The following RIMS1 variants were observed in gnomAD, a reference collection of about 807,000 sequenced individuals.
RIMS1 encodes the protein regulating synaptic membrane exocytosis protein 1.
Under a neutral mutation model 214.1 loss-of-function variants are expected in RIMS1, and 83 were observed. The ratio of observed to expected loss-of-function variants is 0.39; its 90% CI spans 0.32 to 0.47. The LOEUF is 0.47. Ranked by LOEUF, RIMS1 falls within the 20% of genes least tolerant of loss-of-function variation. RIMS1 has a pLI of 0.99. For synonymous variants in RIMS1, 793 were observed against 786.8 expected, an observed-to-expected ratio of 1.01 and a Z score of -0.13; for missense variants, 2,050 against 2,161.8, an observed-to-expected ratio of 0.95 and a Z score of 1.03.
intron 4 of RIMS1, among the ~76,000 whole-genome samples, chr6:72,164,178 G>A (rs370162672): frequency 1.3e-5 from 2 of 152,152 alleles, no homozygotes; most frequent in African/African-American, 2.4e-5. Flanking sequence ...GTGGGCATAG[G>A]ACCCTCCGAG....
At chr6:72,223,677 G>A (rs1393887992) in intron 6 of RIMS1, among the ~76,000 whole-genome samples, 1 of 152,176 alleles carries the variant, frequency 6.6e-6, no homozygotes, top group South Asian at 2.1e-4. Context: ...GCCAGGTGCG[G>A]TGGCTCACAC....
In RIMS1 at chr6:72,400,669, G is replaced by A. The variant is rs1323296779; in HGVS notation, c.5034G>A (p.Gln1678=). ...CTCCCCTCACCCGGCGGGCTTCCCA[G>A]TCATCTCTGGAAAGTTCAACTGGGC... is the stretch of plus-strand genomic sequence containing the variant. The part of the protein sequence containing the change: ...TLTPLTRRAS[Q]SSLESSTGPP... Residue 1678 remains glutamine (Q), a synonymous_variant, in exon 34 of 34, where the codon CAG becomes CAA. Transcript: ENST00000521978. 1.2e-6 allele frequency: 2 copies of A among 1,613,700 alleles called. No individual in the cohort carries two copies. Among genetic ancestry groups the A allele is most frequent in the Admixed American group, 3.3e-5 (2 of 59,994 alleles).
intron 19 of RIMS1, chr6:72,261,827 G>T (rs2078157896): frequency 1.0e-6 from 1 of 985,068 alleles, no homozygotes; most frequent in East Asian, 1.1e-4. Context: ...ATGTTTGCTT[G>T]GAGTGCCACA....
intron 28 of RIMS1, among the ~76,000 whole-genome samples, chr6:72,318,322 T>A (rs1437935245): frequency 3.3e-5 from 5 of 152,164 alleles, no homozygotes; most frequent in African/African-American, 4.8e-5. Flanking sequence ...TTTCTTTCAT[T>A]TCCCCCCTCC....
chr6:72,380,710 A>T (rs2815745), intron 29 of RIMS1, among the ~76,000 whole-genome samples: 65,148 of 151,452 alleles, frequency 0.43, 14,390 homozygotes, highest in Middle Eastern at 0.51. Flanking sequence ...ACTTTTTTTT[A>T]AAATTGAGAT....
intron 6 of RIMS1, among the ~76,000 whole-genome samples, chr6:72,208,934 A>C (rs928133733): frequency 2.6e-5 from 4 of 152,140 alleles, no homozygotes; most frequent in African/African-American, 4.8e-5. Flanking sequence ...CAATTACTCC[A>C]TATGGTTGGG....
intron 28 of RIMS1, among the ~76,000 whole-genome samples, chr6:72,319,019 T>G (rs1593282338): frequency 6.6e-6 from 1 of 151,598 alleles, no homozygotes; most frequent in East Asian, 1.9e-4. Context: ...TGTTACCATT[T>G]TTTAAAATTT....
At position 72,155,602 on chromosome 6, in the gene RIMS1, G is replaced by T. The variant is rs1013464652; in HGVS notation, c.472-23973G>T. Among the ~76,000 whole-genome samples the T allele has an allele frequency of 2.8e-5, 4 of 141,376 alleles. 1 individual carries two copies. The East Asian group carries it at 8.0e-4, about 28-fold the overall frequency. 92.7% of individuals were successfully genotyped at this position (141,376 alleles called of 152,430 possible). A position where few individuals can be genotyped will look rare whatever the true frequency, so the allele number is the denominator to read the frequency against. On this transcript the variant is annotated intron_variant, in intron 4 of 33. Transcript: ENST00000521978. Reference sequence around the variant, plus strand: ...GCTGGGGAAGCCCCACAATCATGGTGGAAGGCAAGGAGCAGCAAATCATTT... The same window carrying T: ...GCTGGGGAAGCCCCACAATCATGGTTGAAGGCAAGGAGCAGCAAATCATTT...
intron 4 of RIMS1, among the ~76,000 whole-genome samples, chr6:72,164,056 G>C (rs1037974694): frequency 2.0e-5 from 3 of 152,288 alleles, no homozygotes; most frequent in Admixed American, 2.0e-4. Context: ...GAGCTTCCCG[G>C]CCACTTTGTT....
At chr6:71,983,260 T>G (rs1470853588) in intron 2 of RIMS1, among the ~76,000 whole-genome samples, 1 of 152,118 alleles carries the variant, frequency 6.6e-6, no homozygotes, top group Non-Finnish European at 1.5e-5. Flanking sequence ...TTTTCCTAAT[T>G]GTTGTAAAAA....
At chr6:71,961,273 T>C (rs2151253470) in intron 1 of RIMS1, among the ~76,000 whole-genome samples, 1 of 152,302 alleles carries the variant, frequency 6.6e-6, no homozygotes, top group Middle Eastern at 3.4e-3. Flanking sequence ...TAATCCCTTA[T>C]GTGTTTATTT....
intron 5 of RIMS1, among the ~76,000 whole-genome samples, chr6:72,180,311 T>C (rs2048239963): frequency 6.6e-6 from 1 of 152,202 alleles, no homozygotes; most frequent in Non-Finnish European, 1.5e-5. Context: ...AAGCCTTCTT[T>C]AAGGGTATTT....
Position 72,182,607 on chromosome 6 carries a change from C to G in RIMS1, c.1136C>G (p.Ala379Gly). The change falls in exon 6 of 34, where the codon GCC becomes GGC. Residue 379 changes from alanine (A) to glycine (G), a missense_variant. By Grantham distance (60) the Ala-to-Gly change is moderately conservative. This residue lies in a region of RIMS1 where 882 missense variants were observed against 828.9 expected (regional missense o/e 1.06). Coordinates refer to ENST00000521978, the MANE Select transcript of RIMS1 (RefSeq NM_014989.7). ...GAGGAGCAGCAGATGCGCATGCACGCCCGGGTGTCCCGCGCCAGGCACGAG... is the reference window on the plus strand; with the variant it reads ...GAGGAGCAGCAGATGCGCATGCACGGCCGGGTGTCCCGCGCCAGGCACGAG... ...PPEEQQMRMH[A>G]RVSRARHERR... is the part of the protein sequence containing the mutation. The G allele has an allele frequency of 1.3e-6, 2 of 1,547,646 alleles. No individual in the cohort carries two copies. The highest frequency in any genetic ancestry group is 1.7e-6 in the Non-Finnish European group (2 of 1,146,438).
At chr6:72,170,393 G>T (rs1440236630) in intron 4 of RIMS1, among the ~76,000 whole-genome samples, 2 of 151,976 alleles carry the variant, frequency 1.3e-5, no homozygotes, top group African/African-American at 2.4e-5. Flanking sequence ...GCCCAGGCTG[G>T]CATGCAAGGG....
At chr6:72,228,740 TC>T (rs970245914) in intron 6 of RIMS1, among the ~76,000 whole-genome samples, 2 of 151,940 alleles carry the variant, frequency 1.3e-5, no homozygotes, top group African/African-American at 4.8e-5. Flanking sequence ...TATACTGTTT[TC>T]CATAGTGACT....
chr6:71,927,330 C>T (rs964475905), intron 1 of RIMS1, among the ~76,000 whole-genome samples: 10 of 152,210 alleles, frequency 6.6e-5, no homozygotes, highest in African/African-American at 2.4e-4. Context: ...TTACTTGGTA[C>T]TGCACAATTT....
chr6:72,051,652 G>A (rs1824701272), intron 2 of RIMS1, among the ~76,000 whole-genome samples: 2 of 152,148 alleles, frequency 1.3e-5, no homozygotes, highest in Non-Finnish European at 2.9e-5. Flanking sequence ...TCATAATGCT[G>A]TGAAGCCTCA....
chr6:71,978,527 A>T (rs1273353035), intron 2 of RIMS1, among the ~76,000 whole-genome samples: 7 of 152,102 alleles, frequency 4.6e-5, no homozygotes, highest in African/African-American at 1.7e-4. Flanking sequence ...TGCTAGATAC[A>T]AATATTGCAC....
chr6:72,175,860 T>TTCTG (rs751687901), intron 4 of RIMS1, among the ~76,000 whole-genome samples: 6 of 152,208 alleles, frequency 3.9e-5, no homozygotes, highest in Non-Finnish European at 8.8e-5. Context: ...CTATGGAATT[T>TTCTG]TCTGTATATG....
Sources: gnomAD v4.1 joint callset for allele counts (sites outside exome capture counted in the v4.1 genomes callset) on GRCh38, gnomAD v4.1.1 for gene constraint, gnomAD v4.1.1 regional missense constraint, MANE v1.5 for transcripts, NCBI Gene and HGNC (gene_info 2026-07-23, HGNC 2026-07-21) for gene names.